Variants in DFFA observed in about 807,000 individuals in gnomAD.
DFFA encodes DFF45.
Under a neutral mutation model 28.0 loss-of-function variants are expected in DFFA, and 14 were observed. That is an observed-to-expected ratio of 0.50 (90% CI 0.33 to 0.78). The LOEUF is 0.78. DFFA is among the 30% of genes least tolerant of loss of function. The pLI is 0.02. For missense variants in DFFA, 395 were observed against 407.1 expected (o/e 0.97, Z 0.26); for synonymous variants, 158 against 170.3 (o/e 0.93, Z 0.56).
Position 10,461,197 on chromosome 1 carries a change from T to C in DFFA, c.*293A>G, listed in dbSNP as rs1057026. 196 of 322,256 alleles carry C rather than the reference T, an allele frequency of 6.1e-4. No homozygotes were observed. The highest frequency in any genetic ancestry group is 3.2e-3 in the East Asian group (52 of 16,390). 20.0% of individuals were successfully genotyped at this position (322,256 alleles called of 1,614,324 possible). ...TGCTGGGATTACAGGCGTGAGCCACTGCGCCTGGCCAATCACTGCCAATTA... is the reference window on the plus strand; with the variant it reads ...TGCTGGGATTACAGGCGTGAGCCACCGCGCCTGGCCAATCACTGCCAATTA... On this transcript the variant is annotated 3_prime_UTR_variant, in exon 6 of 6. Coordinates refer to ENST00000377038, the MANE Select transcript of DFFA (RefSeq NM_004401.3).
chr1:10,462,275 C>G (rs1386309781), intron 5 of DFFA: 14 of 248,820 alleles, frequency 5.6e-5, no homozygotes, highest in Non-Finnish European at 9.0e-5. Context: ...CTTGCTTCAG[C>G]CTCCCACCAC....
chr1:10,472,284 C>T lies in DFFA; in HGVS notation c.136+39G>A. On this transcript the variant is annotated intron_variant, in intron 1 of 5. Transcript: ENST00000377038. The surrounding 1 kb of genome is among the most constrained non-coding windows in gnomAD (Gnocchi z 5.0). ...CCCCGCCGGACGTCCTCACCCGGCC[C>T]TGGCTCCCCCACACCCTCGCCCGGG... 6.5e-7 allele frequency: 1 copy of T among 1,538,836 alleles called. No homozygotes were observed. The highest frequency in any genetic ancestry group is 8.8e-7 in the Non-Finnish European group (1 of 1,137,422).
chr1:10,465,488 A>T (rs1641008146), intron 3 of DFFA, among the ~76,000 whole-genome samples: 1 of 150,096 alleles, frequency 6.7e-6, no homozygotes, highest in Non-Finnish European at 1.5e-5. Context: ...CTGGTCTTGA[A>T]CTCTTGACCT....
chr1:10,463,249 A>C (rs1314503711), intron 4 of DFFA, 40 bp from the exon 5 acceptor site: 2 of 1,600,262 alleles, frequency 1.2e-6, no homozygotes, highest in South Asian at 2.2e-5. Flanking sequence ...ACGTGGTGTG[A>C]CCACACAGCC....
chr1:10,456,859 C>T lies in DFFA; in HGVS notation c.*4631G>A, dbSNP rs1412450822. On this transcript the variant is annotated 3_prime_UTR_variant, in exon 6 of 6. Coordinates refer to ENST00000377038, the MANE Select transcript of DFFA (RefSeq NM_004401.3). ...CTACCACAAGAACGGGCATGCCCTG[C>T]CCTCTCTCACTCCTATTTTTAGACG... The T allele has an allele frequency of 6.6e-6, 1 of 152,218 alleles. No individual in the cohort carries two copies. The highest frequency in any genetic ancestry group is 1.5e-5 in the Non-Finnish European group (1 of 68,044). The allele number at this position is 152,218 out of a possible 1,614,324, so 9.4% of individuals were successfully genotyped here.
intron 5 of DFFA, chr1:10,462,811 A>G: frequency 7.4e-7 from 1 of 1,358,806 alleles, no homozygotes; most frequent in South Asian, 1.7e-5. Flanking sequence ...AGGAACAGTC[A>G]TTTCATTACC....
chr1:10,464,585 T>C (rs557459668), intron 3 of DFFA, among the ~76,000 whole-genome samples: 264 of 151,952 alleles, frequency 1.7e-3, no homozygotes, highest in African/African-American at 6.1e-3. Flanking sequence ...CATGGTGGAG[T>C]ACGCCTGTGG....
Position 10,459,498 on chromosome 1 carries a change from A to G in DFFA, c.*1992T>C, listed in dbSNP as rs1640899031. 1 of 152,176 alleles carries G rather than the reference A, an allele frequency of 6.6e-6. No individual in the cohort carries two copies. 9.4% of individuals were successfully genotyped at this position (152,176 alleles called of 1,614,324 possible). ...CACAATACTGAGTGAGATATTAGCA[A>G]TGGACTCTCCGTATGTCCCTATGGT... On this transcript the variant is annotated 3_prime_UTR_variant, in exon 6 of 6. Transcript: ENST00000377038.
At position 10,461,318 on chromosome 1, in the gene DFFA, G is replaced by T; in HGVS notation, c.*172C>A. On this transcript the variant is annotated 3_prime_UTR_variant, in exon 6 of 6. Transcript: ENST00000377038. ...ATTGGCAGAAGTCCTGAAGCTGGTG[G>T]GGCTAAAAAAAAAATTGGTGGAACG... is the stretch of plus-strand genomic sequence containing the variant. 1 of 1,112,018 alleles carries T rather than the reference G, an allele frequency of 9.0e-7. No individual in the cohort carries two copies. The highest frequency in any genetic ancestry group is 1.2e-6 in the Non-Finnish European group (1 of 808,360). 68.9% of individuals were successfully genotyped at this position (1,112,018 alleles called of 1,614,324 possible). A position where few individuals can be genotyped will look rare whatever the true frequency, so the allele number is the denominator to read the frequency against.
intron 5 of DFFA, among the ~76,000 whole-genome samples, chr1:10,462,155 G>C (rs1253883716): frequency 6.6e-6 from 1 of 152,058 alleles, no homozygotes; most frequent in Non-Finnish European, 1.5e-5. Context: ...ACCGCGCCCA[G>C]CCTGCCATGG....
chr1:10,464,602 C>T (rs1173811069), intron 3 of DFFA, among the ~76,000 whole-genome samples: 1 of 152,082 alleles, frequency 6.6e-6, no homozygotes, highest in African/African-American at 2.4e-5. Flanking sequence ...GTGGTCCCAG[C>T]TACTTGGAAG....
intron 3 of DFFA, among the ~76,000 whole-genome samples, chr1:10,464,097 T>C (rs1640988990): frequency 9.4e-6 from 1 of 106,444 alleles, no homozygotes; most frequent in Non-Finnish European, 2.2e-5. Context: ...ATTTTTCTAA[T>C]TTTTTTTTTT....
chr1:10,461,644 T>G lies in DFFA; in HGVS notation c.842A>C (p.Lys281Thr), dbSNP rs761386584. The G allele has an allele frequency of 5.0e-6, 8 of 1,614,106 alleles. No individual in the cohort carries two copies. The highest frequency in any genetic ancestry group is 2.2e-5 in the South Asian group (2 of 91,090). ...ACAGGCCTCCTGAACAGTCTCCGTC[T>G]TCTTTATGTCCCAGTTCAAGGCAAC... ...LAVALNWDIK[K>T]TETVQEACER... The change falls in exon 6 of 6, where the codon AAG becomes ACG. Residue 281 changes from lysine to threonine, a missense_variant. Physicochemically the swap from Lys to Thr is moderately conservative, Grantham distance 78 (BLOSUM62 -1). Transcript: ENST00000377038.
intron 3 of DFFA, among the ~76,000 whole-genome samples, chr1:10,466,061 T>TTGAGCCCTG (rs1294922013): frequency 2.0e-5 from 3 of 151,780 alleles, no homozygotes; most frequent in African/African-American, 7.3e-5. Context: ...GGTGGGAGGA[T>TTGAGCCCTG]GGCTTGAGCC....
intron 3 of DFFA, 22 bp from the exon 4 acceptor site, chr1:10,463,642 T>C: frequency 1.3e-5 from 20 of 1,587,248 alleles, no homozygotes; most frequent in Non-Finnish European, 1.7e-5. Flanking sequence ...ACACAGACGC[T>C]TAGAAATCTA....
intron 3 of DFFA, among the ~76,000 whole-genome samples, chr1:10,464,955 A>C (rs759721287): frequency 2.6e-4 from 39 of 152,140 alleles, no homozygotes; most frequent in Non-Finnish European, 4.4e-4. Context: ...GATGGGGCTC[A>C]ATAAATATGT....
At chr1:10,467,828 C>G (rs1641044051) in intron 2 of DFFA, among the ~76,000 whole-genome samples, 1 of 152,152 alleles carries the variant, frequency 6.6e-6, no homozygotes. Flanking sequence ...ATCTTTATCT[C>G]TGTGTGCAAC....
chr1:10,470,422 CTTTTTTTTTTT>C (rs59658414), intron 1 of DFFA, among the ~76,000 whole-genome samples: 1 of 107,302 alleles, frequency 9.3e-6, no homozygotes, highest in African/African-American at 3.6e-5. Context: ...CAGTTTTCCT[CTTTTTTTTTTT>C]TTTTTTTTTG....
intron 1 of DFFA, among the ~76,000 whole-genome samples, chr1:10,469,839 CTT>C (rs35502618): frequency 2.1e-3 from 295 of 139,348 alleles, no homozygotes; most frequent in Admixed American, 2.4e-3. Context: ...TTCTTTCTTT[CTT>C]TTTTTTTTTT....
Sources: allele counts gnomAD v4.1 joint callset (sites outside exome capture counted in the v4.1 genomes callset), GRCh38; gene constraint gnomAD v4.1.1; non-coding constraint Gnocchi (gnomAD v3.1); transcripts MANE v1.5; gene names NCBI Gene and HGNC (gene_info 2026-07-23, HGNC 2026-07-21).